The following ITFG1 variants were observed in gnomAD, a reference collection of about 807,000 sequenced individuals.
ITFG1 encodes integrin alpha FG-GAP repeat containing 1.
ITFG1 carries 34 observed loss-of-function variants against 81.8 expected under a neutral mutation model. That is an observed-to-expected ratio of 0.42 (90% CI 0.32 to 0.55). The LOEUF (loss-of-function observed/expected upper bound fraction) is 0.55, where lower values mean the gene tolerates loss of function less well. Among genes scored for constraint, ITFG1 ranks in the 20% least tolerant of loss-of-function variants. The pLI, the probability that ITFG1 is intolerant of heterozygous loss-of-function variation, is 0.17. For synonymous variants in ITFG1, 285 were observed against 270.6 expected (o/e 1.05, Z -0.52); for missense variants, 672 against 755.4 (o/e 0.89, Z 1.29).
chr16:47,304,262 TAA>T (rs1967123910), intron 10 of ITFG1, among the ~76,000 whole-genome samples: 1 of 152,100 alleles, frequency 6.6e-6, no homozygotes, highest in African/African-American at 2.4e-5. Flanking sequence ...GTTTCTTAGT[TAA>T]GCTTAAGAGG....
chr16:47,417,283 T>C (rs1162764208), intron 6 of ITFG1, among the ~76,000 whole-genome samples: 1 of 152,250 alleles, frequency 6.6e-6, no homozygotes, highest in East Asian at 1.9e-4. Flanking sequence ...AGATAATTGC[T>C]ATACATTTTA....
chr16:47,249,883 A>G (rs1197849103), intron 12 of ITFG1, among the ~76,000 whole-genome samples: 1 of 152,248 alleles, frequency 6.6e-6, no homozygotes, highest in East Asian at 1.9e-4. Context: ...GTGCATAAAT[A>G]CTGTAACACT....
upstream of ITFG1, chr16:47,461,106 C>A: frequency 7.0e-7 from 1 of 1,423,520 alleles, no homozygotes; most frequent in Non-Finnish European, 9.3e-7. Flanking sequence ...CCGCAAAGCA[C>A]CGCGTTACCG....
intron 14 of ITFG1, among the ~76,000 whole-genome samples, chr16:47,195,508 C>T (rs917760053): frequency 6.6e-6 from 1 of 152,068 alleles, no homozygotes; most frequent in African/African-American, 2.4e-5. Flanking sequence ...TTTTTTAGCT[C>T]AATTAAGAAT....
At chr16:47,434,589 A>G (rs895976780) in intron 5 of ITFG1, among the ~76,000 whole-genome samples, 3 of 152,224 alleles carry the variant, frequency 2.0e-5, no homozygotes, top group Non-Finnish European at 2.9e-5. Context: ...GAACACTTTT[A>G]CACTGTTGGT....
In ITFG1 at chr16:47,223,968, A is replaced by G. The variant is rs533795693; in HGVS notation, c.1375-5022T>C. ...TTCTCAGTAAACTATCACAAGAACAAAAAACCAAACACCGCATAGTCTCAC... is the reference window on the plus strand; with the variant it reads ...TTCTCAGTAAACTATCACAAGAACAGAAAACCAAACACCGCATAGTCTCAC... On this transcript the variant is annotated intron_variant, in intron 13 of 17. Coordinates refer to ENST00000320640, the MANE Select transcript of ITFG1 (RefSeq NM_030790.5). Among the ~76,000 whole-genome samples the G allele has an allele frequency of 2.9e-3, 443 of 151,620 alleles. 1 individual carries two copies. The highest frequency in any genetic ancestry group is 5.5e-3 in the Admixed American group (84 of 15,226).
chr16:47,278,152 A>T (rs765828458), intron 10 of ITFG1, among the ~76,000 whole-genome samples: 20 of 152,300 alleles, frequency 1.3e-4, no homozygotes, highest in Non-Finnish European at 2.2e-4. Flanking sequence ...TATTTAAAGC[A>T]GTCTTACTTA....
intron 6 of ITFG1, among the ~76,000 whole-genome samples, chr16:47,420,018 C>T (rs1036489998): frequency 6.6e-6 from 1 of 150,540 alleles, no homozygotes; most frequent in African/African-American, 2.4e-5. Context: ...ATGGTGCAAT[C>T]ATGGTTCACT....
At chr16:47,233,658 C>T (rs985053618) in intron 13 of ITFG1, among the ~76,000 whole-genome samples, 1 of 152,176 alleles carries the variant, frequency 6.6e-6, no homozygotes, top group African/African-American at 2.4e-5. Context: ...CCTAACTGAC[C>T]TGGGGAAAGG....
At chr16:47,371,671 C>G (rs1342788221) in intron 7 of ITFG1, among the ~76,000 whole-genome samples, 1 of 152,080 alleles carries the variant, frequency 6.6e-6, no homozygotes, top group African/African-American at 2.4e-5. Flanking sequence ...AGCAGTGGTT[C>G]TCAACTGAGG....
At chr16:47,241,614 A>G (rs1965934531) in intron 12 of ITFG1, among the ~76,000 whole-genome samples, 1 of 152,234 alleles carries the variant, frequency 6.6e-6, no homozygotes, top group Admixed American at 6.5e-5. Context: ...ATGGATACAT[A>G]AAGTAGATGA....
rs564163869 is a variant in ITFG1 at position 47,218,331 on chromosome 16, C to A, written c.1453+537G>T. 1.6e-4 allele frequency: 24 copies of A among 152,272 alleles called. No individual in the cohort carries two copies. The East Asian group carries it at 4.2e-3, about 27-fold the overall frequency. 9.4% of individuals were successfully genotyped at this position (152,272 alleles called of 1,614,324 possible). A position where few individuals can be genotyped will look rare whatever the true frequency, so the allele number is the denominator to read the frequency against. On this transcript the variant is annotated intron_variant, in intron 14 of 17. Coordinates refer to ENST00000320640, the MANE Select transcript of ITFG1 (RefSeq NM_030790.5). ...CAGTCAGTCAGCCATCTGTTAAAAG[C>A]AGACATCCTTTGCTCAATCTTATTT...
chr16:47,441,631 C>G (rs1021692577), intron 5 of ITFG1, among the ~76,000 whole-genome samples: 11 of 152,130 alleles, frequency 7.2e-5, no homozygotes, highest in East Asian at 1.9e-4. Context: ...ATTCAACAAC[C>G]CTTCATGCTA....
At position 47,227,425 on chromosome 16, in the gene ITFG1, C is replaced by G. The variant is rs1007118842; in HGVS notation, c.1375-8479G>C. ...AAATTTAGACATATTAGTGATGGTT[C>G]AATTTTTCATACTATCAGTAAAAAA... On this transcript the variant is annotated intron_variant, in intron 13 of 17. Coordinates refer to ENST00000320640, the MANE Select transcript of ITFG1 (RefSeq NM_030790.5). 2.6e-5 allele frequency among the ~76,000 whole-genome samples: 4 copies of G among 152,106 alleles called. No homozygotes were observed. In the East Asian group the frequency reaches 7.7e-4, roughly 29 times the overall value.
intron 8 of ITFG1, among the ~76,000 whole-genome samples, chr16:47,364,596 T>C (rs1055863191): frequency 6.6e-6 from 1 of 152,210 alleles, no homozygotes; most frequent in Non-Finnish European, 1.5e-5. Context: ...AATAACATCA[T>C]GTGTTCTATC....
chr16:47,318,426 AATCCAAACAATCCAACAATGAATAATTTT>A (rs1292359347), intron 8 of ITFG1, among the ~76,000 whole-genome samples: 2 of 152,172 alleles, frequency 1.3e-5, no homozygotes, highest in Non-Finnish European at 2.9e-5. Flanking sequence ...ATCTTTTGAT[AATCCAAACAATCCAACAATGAATAATTTT>A]GTATAATCTC....
At chr16:47,422,347 C>T (rs530369557) in intron 6 of ITFG1, among the ~76,000 whole-genome samples, 1 of 152,304 alleles carries the variant, frequency 6.6e-6, no homozygotes, top group South Asian at 2.1e-4. Flanking sequence ...CTGTTGTTTC[C>T]TGACTTTTCA....
chr16:47,405,379 G>C (rs185014116), intron 6 of ITFG1, among the ~76,000 whole-genome samples: 1 of 152,080 alleles, frequency 6.6e-6, no homozygotes, highest in Non-Finnish European at 1.5e-5. Flanking sequence ...TTAAAAATAG[G>C]TTTTAGGCTG....
chr16:47,216,075 T>C (rs1312900824), intron 14 of ITFG1, among the ~76,000 whole-genome samples: 1 of 152,170 alleles, frequency 6.6e-6, no homozygotes, highest in South Asian at 2.1e-4. Flanking sequence ...TAAGTAAATA[T>C]TGTTCCATTC....
Sources: allele counts gnomAD v4.1 joint callset (sites outside exome capture counted in the v4.1 genomes callset), GRCh38; gene constraint gnomAD v4.1.1; transcripts MANE v1.5; gene names NCBI Gene and HGNC (gene_info 2026-07-23, HGNC 2026-07-21).